The following RSBN1L variants were observed in gnomAD, a reference collection of about 807,000 sequenced individuals.
RSBN1L encodes lysine-specific demethylase RSBN1L.
Under a neutral mutation model 67.7 loss-of-function variants are expected in RSBN1L, and 30 were observed. The ratio of observed to expected loss-of-function variants is 0.44; its 90% CI spans 0.33 to 0.60. The LOEUF (loss-of-function observed/expected upper bound fraction) is 0.60, where lower values mean the gene tolerates loss of function less well. Among genes scored for constraint, RSBN1L ranks in the 20% least tolerant of loss-of-function variants. The pLI is 0.02. For missense variants in RSBN1L, 992 were observed against 1,031.7 expected (o/e 0.96, Z 0.53); for synonymous variants, 433 against 387.0 (o/e 1.12, Z -1.39).
Position 77,779,272 on chromosome 7 carries a change from A to G in RSBN1L, c.*104A>G. ...GGACTTGCTCCTATGTCTGTTACAA[A>G]ACATAGTTTATGTAGCTTTGTAACA... On this transcript the variant is annotated 3_prime_UTR_variant, in exon 8 of 8. Coordinates refer to ENST00000334955, the MANE Select transcript of RSBN1L (RefSeq NM_198467.3). The G allele has an allele frequency of 2.5e-6, 2 of 800,376 alleles. No individual in the cohort carries two copies. The highest frequency in any genetic ancestry group is 2.0e-6 in the Non-Finnish European group (1 of 508,696). 49.6% of individuals were successfully genotyped at this position (800,376 alleles called of 1,614,324 possible).
intron 1 of RSBN1L, among the ~76,000 whole-genome samples, chr7:77,728,727 T>G (rs1054101224): frequency 1.3e-5 from 2 of 152,258 alleles, no homozygotes; most frequent in East Asian, 1.9e-4. Context: ...AAGCTGGCTG[T>G]CTGCCTCATT....
At chr7:77,713,362 T>G (rs1337928428) in intron 1 of RSBN1L, among the ~76,000 whole-genome samples, 1 of 151,858 alleles carries the variant, frequency 6.6e-6, no homozygotes, top group Non-Finnish European at 1.5e-5. Flanking sequence ...CTCTTCCTTT[T>G]TTTTTTTCCT....
intron 1 of RSBN1L, among the ~76,000 whole-genome samples, chr7:77,708,612 G>T (rs1478120431): frequency 1.3e-5 from 2 of 151,760 alleles, no homozygotes; most frequent in African/African-American, 4.8e-5. Flanking sequence ...TCGATCTCCT[G>T]ACCTTGTGAT....
At chr7:77,704,913 A>C (rs1790867080) in intron 1 of RSBN1L, among the ~76,000 whole-genome samples, 1 of 152,074 alleles carries the variant, frequency 6.6e-6, no homozygotes, top group African/African-American at 2.4e-5. Context: ...TGGAGGTTGC[A>C]GTGAGCCAAG....
intron 1 of RSBN1L, 91 bp downstream of exon 1, chr7:77,697,146 G>T (rs1790747876): frequency 1.6e-6 from 2 of 1,273,858 alleles, no homozygotes; most frequent in Non-Finnish European, 2.0e-6. Context: ...GGAGCGCGGC[G>T]GCCGCGTGCG....
intron 1 of RSBN1L, among the ~76,000 whole-genome samples, chr7:77,704,977 CA>C (rs976018709): frequency 9.3e-4 from 108 of 115,694 alleles, no homozygotes; most frequent in Admixed American, 1.0e-3. Context: ...GAAACTGTCT[CA>C]AAAAAAAAAA....
chr7:77,739,653 C>T (rs111520347), intron 2 of RSBN1L, among the ~76,000 whole-genome samples: 12 of 126,468 alleles, frequency 9.5e-5, no homozygotes, highest in African/African-American at 3.7e-4. Flanking sequence ...GCAAAGGCTG[C>T]AGCCGAGATT....
chr7:77,737,880 G>A (rs1261463343), intron 2 of RSBN1L, among the ~76,000 whole-genome samples: 2 of 151,976 alleles, frequency 1.3e-5, no homozygotes, highest in Non-Finnish European at 2.9e-5. Context: ...AAATTAGTGG[G>A]GCATGATGGT....
chr7:77,720,464 G>A (rs1397961647), intron 1 of RSBN1L, among the ~76,000 whole-genome samples: 1 of 152,064 alleles, frequency 6.6e-6, no homozygotes. Flanking sequence ...GGAGGCTGAG[G>A]CAGAGAATCG....
chr7:77,699,292 C>G (rs904624891), intron 1 of RSBN1L, among the ~76,000 whole-genome samples: 1 of 152,128 alleles, frequency 6.6e-6, no homozygotes, highest in Non-Finnish European at 1.5e-5. Context: ...AAGAGATTCT[C>G]CCTCAACAAA....
intron 2 of RSBN1L, among the ~76,000 whole-genome samples, chr7:77,741,088 G>A (rs1791404099): frequency 1.3e-5 from 2 of 149,634 alleles, no homozygotes; most frequent in Non-Finnish European, 3.0e-5. Context: ...CCGGGTTCAA[G>A]CGATTCTCCT....
At chr7:77,757,452 T>A (rs1791634829) in intron 3 of RSBN1L, among the ~76,000 whole-genome samples, 1 of 152,266 alleles carries the variant, frequency 6.6e-6, no homozygotes, top group Non-Finnish European at 1.5e-5. Context: ...AACTGTATCA[T>A]GAAAGTCCGT....
chr7:77,739,711 G>GAAAA (rs1158112982), intron 2 of RSBN1L, among the ~76,000 whole-genome samples: 1 of 34,410 alleles, frequency 2.9e-5, no homozygotes, highest in South Asian at 1.6e-3. Context: ...TTGGTCTCAG[G>GAAAA]AAAAAAAAAA....
intron 2 of RSBN1L, among the ~76,000 whole-genome samples, chr7:77,739,144 G>GT (rs1266382867): frequency 5.9e-5 from 9 of 152,178 alleles, no homozygotes; most frequent in African/African-American, 1.7e-4. Flanking sequence ...TGAGCCTGTG[G>GT]TGGTGGTAGG....
chr7:77,727,245 G>A lies in RSBN1L; in HGVS notation c.587-9165G>A, dbSNP rs545607319. On this transcript the variant is annotated intron_variant, in intron 1 of 7. Coordinates refer to ENST00000334955, the MANE Select transcript of RSBN1L (RefSeq NM_198467.3). ...TGGGATTACACACATGTGCCACCAC[G>A]CCCAACTAGTTTTATATTTTTAGTA... 5.3e-4 allele frequency among the ~76,000 whole-genome samples: 81 copies of A among 152,090 alleles called. No individual in the cohort carries two copies. The South Asian group carries it at 0.016, about 31-fold the overall frequency.
chr7:77,705,605 G>T (rs987952754), intron 1 of RSBN1L, among the ~76,000 whole-genome samples: 3 of 140,636 alleles, frequency 2.1e-5, no homozygotes, highest in Non-Finnish European at 4.5e-5. Flanking sequence ...TCTGCCTCCC[G>T]GGTTCCAGTG....
intron 2 of RSBN1L, 22 bp downstream of exon 2, chr7:77,736,548 T>C (rs1182941038): frequency 2.4e-6 from 3 of 1,270,620 alleles, no homozygotes; most frequent in African/African-American, 1.6e-5. Context: ...TCAGTGATTT[T>C]AGTTCTACTT....
intron 3 of RSBN1L, among the ~76,000 whole-genome samples, chr7:77,764,665 C>T (rs1250412595): frequency 3.3e-5 from 5 of 151,230 alleles, no homozygotes; most frequent in African/African-American, 7.3e-5. Flanking sequence ...CTCGCTCTGT[C>T]GCCCAGGCTG....
intron 3 of RSBN1L, among the ~76,000 whole-genome samples, chr7:77,760,425 A>G (rs1032304018): frequency 1.3e-5 from 2 of 151,902 alleles, no homozygotes; most frequent in African/African-American, 4.8e-5. Context: ...GGGGAGGGGG[A>G]GGAGATTTAG....
Sources: allele counts gnomAD v4.1 joint callset (sites outside exome capture counted in the v4.1 genomes callset), GRCh38; gene constraint gnomAD v4.1.1; transcripts MANE v1.5; gene names NCBI Gene and HGNC (gene_info 2026-07-23, HGNC 2026-07-21).